Variants in DENND4C observed in about 807,000 individuals in gnomAD.
The protein encoded by DENND4C is DENN domain containing 4C, also known as DENN domain-containing protein 4C.
Under a neutral mutation model 203.0 loss-of-function variants are expected in DENND4C, and 108 were observed. The observed-to-expected ratio is 0.53, with a 90% CI of 0.46 to 0.62. DENND4C has a LOEUF of 0.62. Ranked by LOEUF, DENND4C falls within the 20% of genes least tolerant of loss-of-function variation. The probability of loss-of-function intolerance (pLI) is 0.00; values close to 1 mark genes in which losing one functional copy is unlikely to be tolerated. For missense variants in DENND4C, 2,481 were observed against 2,301.2 expected, an observed-to-expected ratio of 1.08 and a Z score of -1.60; for synonymous variants, 871 against 792.4, an observed-to-expected ratio of 1.10 and a Z score of -1.67.
At chr9:19,348,969 G>A (rs777392481) in intron 23 of DENND4C, among the ~76,000 whole-genome samples, 1 of 152,026 alleles carries the variant, frequency 6.6e-6, no homozygotes, top group African/African-American at 2.4e-5. Context: ...CACCATGACT[G>A]CTAATATTTT....
At position 19,331,960 on chromosome 9, in the gene DENND4C, A is replaced by G. The variant is rs200183217; in HGVS notation, c.2254-18A>G. ...AATGAATTTTAGTAAATATCATAAT[A>G]TTTTATTCTCTTTCTAGGAAATAAA... On this transcript the variant is annotated intron_variant, in intron 16 of 32. Transcript: ENST00000434457. 6.6e-5 allele frequency: 106 copies of G among 1,595,484 alleles called. No individual in the cohort carries two copies. The highest frequency in any genetic ancestry group is 2.0e-4 in the Admixed American group (12 of 59,580).
In DENND4C at chr9:19,286,780, A is replaced by C; in HGVS notation, c.317A>C (p.Glu106Ala). Residue 106 changes from glutamate (E) to alanine (A), a missense_variant, in exon 3 of 33, where the codon GAA becomes GCA. By Grantham distance (107) the Glu-to-Ala change is moderately radical. This residue lies in a region of DENND4C where 187 missense variants were observed against 167.4 expected (regional missense o/e 1.12). Coordinates refer to ENST00000434457, the MANE Select transcript of DENND4C (RefSeq NM_001330640.2). The stretch of plus-strand genomic sequence containing the variant: ...TTCCTGCCATGCAGAGTTCTATATG[A>C]AGGGAAAGAACGGCTTATTCCAGGA... ...PPLTDIGVLY[E>A]GKERLIPGCE... 8.1e-7 allele frequency: 1 copy of C among 1,232,108 alleles called. No homozygotes were observed. 76.3% of individuals were successfully genotyped at this position (1,232,108 alleles called of 1,614,324 possible).
In DENND4C at chr9:19,360,422, G is replaced by A. The variant is rs755504206; in HGVS notation, c.5339G>A (p.Arg1780His). ...TGGAACCTCGTTTGGTATTTCAGACGTTTGGACCTTCCTAGTAACTTGCCA... is the reference window on the plus strand; with the variant it reads ...TGGAACCTCGTTTGGTATTTCAGACATTTGGACCTTCCTAGTAACTTGCCA... ...IFWNLVWYFR[R>H]LDLPSNLPGL... The change falls in exon 29 of 33, where the codon CGT becomes CAT. Residue 1780 changes from arginine to histidine, a missense_variant. Coordinates refer to ENST00000434457, the MANE Select transcript of DENND4C (RefSeq NM_001330640.2). 4 of 1,613,940 alleles carry A rather than the reference G, an allele frequency of 2.5e-6. No individual in the cohort carries two copies. The highest frequency in any genetic ancestry group is 1.7e-5 in the Admixed American group (1 of 59,986).
intron 1 of DENND4C, among the ~76,000 whole-genome samples, chr9:19,237,135 C>T (rs1822168033): frequency 6.6e-6 from 1 of 152,256 alleles, no homozygotes; most frequent in Admixed American, 6.5e-5. Flanking sequence ...ATTCTCCTGC[C>T]TCAGCTTCCT....
intron 26 of DENND4C, among the ~76,000 whole-genome samples, chr9:19,355,635 A>C (rs1217577731): frequency 6.6e-6 from 1 of 152,038 alleles, no homozygotes; most frequent in South Asian, 2.1e-4. Context: ...TGTTTTTCTT[A>C]ATGCCATGTT....
At chr9:19,279,316 C>T (rs1490117879) in intron 2 of DENND4C, among the ~76,000 whole-genome samples, 5 of 151,296 alleles carry the variant, frequency 3.3e-5, no homozygotes, top group African/African-American at 7.3e-5. Flanking sequence ...CTAATCCCAA[C>T]GCTTTGGGAG....
chr9:19,322,668 A>G (rs1354772230), intron 12 of DENND4C, among the ~76,000 whole-genome samples: 1 of 150,164 alleles, frequency 6.7e-6, no homozygotes, highest in African/African-American at 2.5e-5. Context: ...CCCGGGAGGC[A>G]GAGCTTGCAG....
chr9:19,232,870 G>A (rs753166397), intron 1 of DENND4C, among the ~76,000 whole-genome samples: 9 of 152,094 alleles, frequency 5.9e-5, no homozygotes, highest in Non-Finnish European at 1.0e-4. Flanking sequence ...ACTCAATAAG[G>A]CACCTTTCTT....
chr9:19,321,582 C>T (rs1009828323), intron 12 of DENND4C, among the ~76,000 whole-genome samples: 14 of 151,722 alleles, frequency 9.2e-5, no homozygotes, highest in African/African-American at 3.4e-4. Flanking sequence ...CAGTGGCTCA[C>T]GCCTGTAATC....
chr9:19,298,747 C>G (rs1237165291), intron 7 of DENND4C, among the ~76,000 whole-genome samples: 1 of 152,130 alleles, frequency 6.6e-6, no homozygotes, highest in East Asian at 1.9e-4. Flanking sequence ...ACTTAACATA[C>G]TTTCAGTAGC....
intron 1 of DENND4C, among the ~76,000 whole-genome samples, chr9:19,255,090 G>C (rs941809689): frequency 1.3e-5 from 2 of 152,132 alleles, no homozygotes; most frequent in African/African-American, 4.8e-5. Context: ...AGGTTGCAGT[G>C]AGCCAAGATT....
chr9:19,370,899 T>A (rs984516352), intron 31 of DENND4C, among the ~76,000 whole-genome samples: 14 of 152,226 alleles, frequency 9.2e-5, no homozygotes, highest in Admixed American at 1.3e-4. Context: ...TTGAAGATAA[T>A]CTCAGAAGTG....
At chr9:19,260,191 G>C (rs1044222486) in intron 1 of DENND4C, among the ~76,000 whole-genome samples, 1 of 152,090 alleles carries the variant, frequency 6.6e-6, no homozygotes, top group African/African-American at 2.4e-5. Context: ...TTTTAGTTTT[G>C]ATCAAAGAAA....
chr9:19,300,157 A>G (rs370913454), intron 8 of DENND4C, 30 bp from the exon 9 acceptor site: 107 of 1,571,028 alleles, frequency 6.8e-5, no homozygotes, highest in South Asian at 2.0e-4. Context: ...ATAGTTCACA[A>G]TGATCTACTT....
intron 27 of DENND4C, 195 bp downstream of exon 27, chr9:19,357,349 T>C (rs1333937569): frequency 1.9e-6 from 1 of 520,198 alleles, no homozygotes; most frequent in Non-Finnish European, 3.3e-6. Flanking sequence ...CTAAGTTTAA[T>C]ATTTTACAGT....
In DENND4C at chr9:19,245,452, G is replaced by C. The variant is rs1247971306; in HGVS notation, c.-18+14619G>C. Among the ~76,000 whole-genome samples, 13 of 115,252 alleles carry C rather than the reference G, an allele frequency of 1.1e-4. No homozygotes were observed. The East Asian group carries it at 3.3e-3, about 30-fold the overall frequency. 75.6% of individuals were successfully genotyped at this position (115,252 alleles called of 152,430 possible). A position where few individuals can be genotyped will look rare whatever the true frequency, so the allele number is the denominator to read the frequency against. ...ACTGCACTCCTGCCTGGGCGACAGA[G>C]TAAGACTCAGTCTCAAAAAAAAAAA... On this transcript the variant is annotated intron_variant, in intron 1 of 32. Coordinates refer to ENST00000434457, the MANE Select transcript of DENND4C (RefSeq NM_001330640.2).
intron 2 of DENND4C, among the ~76,000 whole-genome samples, chr9:19,283,838 G>T (rs141370199): frequency 2.0e-5 from 3 of 151,710 alleles, no homozygotes; most frequent in Non-Finnish European, 4.4e-5. Context: ...CAGGTGATCC[G>T]CCCACTTCTG....
chr9:19,295,162 G>C (rs1837173124), intron 5 of DENND4C, among the ~76,000 whole-genome samples: 1 of 151,676 alleles, frequency 6.6e-6, no homozygotes. Flanking sequence ...ACCAGGTCAG[G>C]AGATAAAGAC....
intron 12 of DENND4C, among the ~76,000 whole-genome samples, chr9:19,319,588 G>A (rs1448757024): frequency 6.6e-6 from 1 of 151,218 alleles, no homozygotes; most frequent in Non-Finnish European, 1.5e-5. Flanking sequence ...ATAAGATTAG[G>A]CTCAGATTGT....
Sources: gnomAD v4.1 joint callset for allele counts (sites outside exome capture counted in the v4.1 genomes callset) on GRCh38, gnomAD v4.1.1 for gene constraint, gnomAD v4.1.1 regional missense constraint, MANE v1.5 for transcripts, NCBI Gene and HGNC (gene_info 2026-07-23, HGNC 2026-07-21) for gene names.